The following HYCC1 variants were observed in gnomAD, a reference collection of about 807,000 sequenced individuals.
HYCC1 encodes hyccin.
chr7:22,905,985 C>T, the HYCC1 span, among the ~76,000 whole-genome samples: 17 of 152,280 alleles, frequency 1.1e-4, no homozygotes, highest in African/African-American at 3.6e-4. Context: ...AGCCCACCCT[C>T]TTGACAAGTT....
At chr7:22,914,101 C>T in the HYCC1 span, among the ~76,000 whole-genome samples, 1 of 152,236 alleles carries the variant, frequency 6.6e-6, no homozygotes. Flanking sequence ...GGACCCAAAA[C>T]TCCGTAGCTG....
chr7:23,004,070 G>T, the HYCC1 span, among the ~76,000 whole-genome samples: 28 of 152,140 alleles, frequency 1.8e-4, no homozygotes, highest in Admixed American at 1.8e-3. Context: ...TTTAGCAGAG[G>T]CTGAAATATA....
chr7:22,930,231 T>C, the HYCC1 span, among the ~76,000 whole-genome samples: 2 of 148,978 alleles, frequency 1.3e-5, no homozygotes, highest in African/African-American at 2.5e-5. Context: ...TTAGGAGATA[T>C]ACCTAATGCT....
chr7:22,947,229 T>C, the HYCC1 span: 1 of 1,549,640 alleles, frequency 6.5e-7, no homozygotes. Flanking sequence ...AGTAGCATCA[T>C]TATTGTTGTC....
the HYCC1 span, among the ~76,000 whole-genome samples, chr7:22,959,521 T>G: frequency 6.6e-6 from 1 of 152,144 alleles, no homozygotes; most frequent in Non-Finnish European, 1.5e-5. Context: ...GGTTACCTTC[T>G]GAGGAAGGTG....
chr7:22,967,509 C>T, the HYCC1 span, among the ~76,000 whole-genome samples: 4 of 152,272 alleles, frequency 2.6e-5, no homozygotes, highest in African/African-American at 9.6e-5. Context: ...TTATAACCTG[C>T]TAGGTTTTAC....
the HYCC1 span, among the ~76,000 whole-genome samples, chr7:22,994,593 T>C: frequency 6.6e-6 from 1 of 152,128 alleles, no homozygotes; most frequent in Non-Finnish European, 1.5e-5. Context: ...TTCCACTTGA[T>C]AGAGATCAAA....
chr7:22,977,497 T>G, the HYCC1 span: 1 of 868,202 alleles, frequency 1.2e-6, no homozygotes, highest in Non-Finnish European at 1.8e-6. Flanking sequence ...TTAAATAGTC[T>G]AAAACATTTT....
the HYCC1 span, among the ~76,000 whole-genome samples, chr7:22,918,377 C>A: frequency 1.3e-5 from 2 of 152,066 alleles, no homozygotes; most frequent in African/African-American, 4.8e-5. Flanking sequence ...ACCACAAAAT[C>A]TTCCTTCAGC....
At chr7:22,912,051 T>C in the HYCC1 span, among the ~76,000 whole-genome samples, 108 of 152,350 alleles carry the variant, frequency 7.1e-4, no homozygotes, top group Middle Eastern at 6.8e-3. Flanking sequence ...TAAACTTAAG[T>C]AGTTTCCACT....
chr7:22,982,739 A>C, the HYCC1 span, among the ~76,000 whole-genome samples: 1 of 152,174 alleles, frequency 6.6e-6, no homozygotes, highest in South Asian at 2.1e-4. Context: ...TCATTTGCCA[A>C]TCTATCCTCC....
the HYCC1 span, among the ~76,000 whole-genome samples, chr7:22,954,579 C>T: frequency 2.0e-5 from 3 of 151,242 alleles, no homozygotes; most frequent in Non-Finnish European, 3.0e-5. Context: ...CTGAAAAATG[C>T]AATAAAACTG....
At chr7:22,985,417 T>C in the HYCC1 span, 1 of 152,150 alleles carries the variant, frequency 6.6e-6, no homozygotes, top group Non-Finnish European at 1.5e-5. Flanking sequence ...ATATTATAGA[T>C]AAACAAAATA....
At chr7:23,012,817 T>A in the HYCC1 span, among the ~76,000 whole-genome samples, 1 of 152,310 alleles carries the variant, frequency 6.6e-6, no homozygotes, top group Non-Finnish European at 1.5e-5. Context: ...ATTTGAAAGC[T>A]GAAAACCTCA....
chr7:22,978,035 G>C, the HYCC1 span: 2 of 594,842 alleles, frequency 3.4e-6, no homozygotes, highest in Non-Finnish European at 5.9e-6. Flanking sequence ...CTCTATAAAA[G>C]AAATGAAATG....
chr7:22,951,384 C>T, the HYCC1 span, among the ~76,000 whole-genome samples: 1 of 151,866 alleles, frequency 6.6e-6, no homozygotes, highest in Non-Finnish European at 1.5e-5. Context: ...CTGGCTCTGA[C>T]ATGGGGTGCT....
chr7:22,945,720 T>C, the HYCC1 span: 1 of 1,613,852 alleles, frequency 6.2e-7, no homozygotes, highest in Non-Finnish European at 8.5e-7. Flanking sequence ...GAAAACCTAT[T>C]GGCATCTGTC....
chr7:22,976,787 C>A, the HYCC1 span: 1 of 1,612,238 alleles, frequency 6.2e-7, no homozygotes, highest in Non-Finnish European at 8.5e-7. Context: ...TCAGTCAGAG[C>A]CATGGACCCA....
chr7:22,945,642 G>T, the HYCC1 span: 1 of 1,613,722 alleles, frequency 6.2e-7, no homozygotes, highest in African/African-American at 1.3e-5. Flanking sequence ...TGACCTGATT[G>T]ATGCTTCATT....
Sources: gnomAD v4.1 joint callset for allele counts (sites outside exome capture counted in the v4.1 genomes callset) on GRCh38, gnomAD v4.1.1 for gene constraint, MANE v1.5 for transcripts, NCBI Gene and HGNC (gene_info 2026-07-23, HGNC 2026-07-21) for gene names.